Variants in RPS6KA2 observed in about 807,000 individuals in gnomAD.
RPS6KA2 encodes the protein ribosomal protein S6 kinase alpha-2.
Under a neutral mutation model 91.8 loss-of-function variants are expected in RPS6KA2, and 42 were observed. The observed-to-expected ratio is 0.46, with a 90% CI of 0.36 to 0.59. The LOEUF is 0.59. RPS6KA2 is among the 20% of genes least tolerant of loss of function. The pLI, the probability that RPS6KA2 is intolerant of heterozygous loss-of-function variation, is 0.00. For missense variants in RPS6KA2, 798 were observed against 978.5 expected (o/e 0.82, Z 2.46); for synonymous variants, 414 against 393.6 (o/e 1.05, Z -0.61).
chr6:166,613,813 G>T (rs527837425), intron 1 of RPS6KA2, among the ~76,000 whole-genome samples: 2 of 151,926 alleles, frequency 1.3e-5, no homozygotes, highest in Non-Finnish European at 2.9e-5. Flanking sequence ...GGCTTTTCAC[G>T]GCCTTCAGGA....
rs1460417642 is a variant in RPS6KA2 at position 166,445,930 on chromosome 6, T to A, written c.1332+2794A>T. On this transcript the variant is annotated intron_variant, in intron 14 of 20. Coordinates refer to ENST00000265678, the MANE Select transcript of RPS6KA2 (RefSeq NM_021135.6). This position sits in a 1 kb window ranked among gnomAD's most constrained non-coding sequence, Gnocchi z 4.5. ...CAGCTGCCACATGCTTAGTTCTGGG[T>A]CATGTTAGAAGTCACCGAACTTTGC... 1.3e-5 allele frequency among the ~76,000 whole-genome samples: 2 copies of A among 152,216 alleles called. No homozygotes were observed. The highest frequency in any genetic ancestry group is 2.4e-5 in the African/African-American group (1 of 41,462).
At chr6:166,600,620 T>C (rs1276102249) in intron 1 of RPS6KA2, among the ~76,000 whole-genome samples, 1 of 152,230 alleles carries the variant, frequency 6.6e-6, no homozygotes, top group African/African-American at 2.4e-5. Context: ...CCTACGAGAG[T>C]CTAAAAACTG....
At chr6:166,649,190 A>G (rs930969533) in intron 2 of RPS6KA2, among the ~76,000 whole-genome samples, 1 of 152,088 alleles carries the variant, frequency 6.6e-6, no homozygotes, top group African/African-American at 2.4e-5. Flanking sequence ...TAGTATTTCC[A>G]CATCTGCCCC....
At chr6:166,507,888 C>A (rs561564056) in intron 5 of RPS6KA2, among the ~76,000 whole-genome samples, 1 of 149,014 alleles carries the variant, frequency 6.7e-6, no homozygotes, top group Non-Finnish European at 1.5e-5. Context: ...GCACACCCCC[C>A]CACACACGCA....
intron 2 of RPS6KA2, among the ~76,000 whole-genome samples, chr6:166,827,044 T>G (rs992581035): frequency 6.6e-6 from 1 of 152,092 alleles, no homozygotes; most frequent in African/African-American, 2.4e-5. Context: ...GAGACCTTGG[T>G]CAAAGAGCAC....
Position 166,498,634 on chromosome 6 carries a change from C to T in RPS6KA2, c.621G>A (p.Lys207=), listed in dbSNP as rs778102390. 1 of 1,613,522 alleles carries T rather than the reference C, an allele frequency of 6.2e-7. No homozygotes were observed. Among genetic ancestry groups the T allele is most frequent in the East Asian group, 2.2e-5 (1 of 44,858 alleles). Residue 207 remains lysine, a synonymous_variant, in exon 8 of 21, where the codon AAG becomes AAA. Transcript: ENST00000265678. The part of the protein sequence containing the change: ...HIKITDFGLS[K]EAIDHDKRAY... Reference sequence around the variant, plus strand: ...CTCTCTTGTCGTGGTCAATGGCCTCCTTACTCAGGCCGAAATCTACATGCA... The same window carrying T: ...CTCTCTTGTCGTGGTCAATGGCCTCTTTACTCAGGCCGAAATCTACATGCA...
At chr6:166,780,964 A>G (rs1562435305) in intron 2 of RPS6KA2, among the ~76,000 whole-genome samples, 2 of 152,222 alleles carry the variant, frequency 1.3e-5, no homozygotes, top group Admixed American at 6.5e-5. Context: ...CTACTCCGAT[A>G]TTCGGACACT....
chr6:166,462,914 C>T (rs990424276), intron 11 of RPS6KA2: 3 of 152,376 alleles, frequency 2.0e-5, no homozygotes, highest in African/African-American at 7.2e-5. Flanking sequence ...CACCCCGTAA[C>T]ATGGGTCCGT....
chr6:166,522,582 G>A (rs1334658253), intron 3 of RPS6KA2, among the ~76,000 whole-genome samples: 1 of 152,248 alleles, frequency 6.6e-6, no homozygotes, highest in Admixed American at 6.5e-5. Flanking sequence ...AGTGCGGGCT[G>A]TGCTAGCTCG....
intron 2 of RPS6KA2, among the ~76,000 whole-genome samples, chr6:166,819,563 T>C (rs1779852389): frequency 6.6e-6 from 1 of 152,218 alleles, no homozygotes; most frequent in Non-Finnish European, 1.5e-5. Context: ...ACAGTTCAAA[T>C]GTATGCTGTT....
chr6:166,835,157 G>A (rs750093375), intron 2 of RPS6KA2, among the ~76,000 whole-genome samples: 1 of 152,152 alleles, frequency 6.6e-6, no homozygotes, highest in Non-Finnish European at 1.5e-5. Context: ...CATTGACTAT[G>A]TCTACTTTTA....
intron 1 of RPS6KA2, among the ~76,000 whole-genome samples, chr6:166,574,159 A>G (rs1303725505): frequency 1.3e-5 from 2 of 152,148 alleles, no homozygotes; most frequent in East Asian, 3.8e-4. Context: ...AATTTTTTAA[A>G]TTCTTTAAAA....
At position 166,435,743 on chromosome 6, in the gene RPS6KA2, C is replaced by T. The variant is rs780910670; in HGVS notation, c.1333-3253G>A. Among the ~76,000 whole-genome samples the T allele has an allele frequency of 1.3e-5, 2 of 152,274 alleles. No individual in the cohort carries two copies. The highest frequency in any genetic ancestry group is 4.8e-5 in the African/African-American group (2 of 41,472). On this transcript the variant is annotated intron_variant, in intron 14 of 20. Coordinates refer to ENST00000265678, the MANE Select transcript of RPS6KA2 (RefSeq NM_021135.6). This position sits in a 1 kb window ranked among gnomAD's most constrained non-coding sequence, Gnocchi z 4.3. Reference sequence around the variant, plus strand: ...TCACGTTTGCTGTCTCAGGCGACAACACTGCTGTGGGTGTGGGTGGCTTGG... The same window carrying T: ...TCACGTTTGCTGTCTCAGGCGACAATACTGCTGTGGGTGTGGGTGGCTTGG...
At chr6:166,614,511 C>A (rs999113219) in intron 1 of RPS6KA2, among the ~76,000 whole-genome samples, 6 of 152,250 alleles carry the variant, frequency 3.9e-5, no homozygotes, top group African/African-American at 1.4e-4. Context: ...GCCCTGCCTG[C>A]GTCCTGTCTG....
rs1263102658 is a variant in RPS6KA2 at position 166,665,117 on chromosome 6, C to G, written c.124-126333G>C. On this transcript the variant is annotated intron_variant, in intron 2 of 21. Coordinates refer to the RPS6KA2 transcript ENST00000503859. This position sits in a 1 kb window ranked among gnomAD's most constrained non-coding sequence, Gnocchi z 4.5. ...ATTAGCCAGGCATGGTGGCGTGTAG[C>G]CTTCAGTCTCATAGCTGTCAGGGTG... Among the ~76,000 whole-genome samples the G allele has an allele frequency of 1.3e-5, 2 of 151,754 alleles. No homozygotes were observed. The highest frequency in any genetic ancestry group is 4.8e-5 in the African/African-American group (2 of 41,300).
intron 14 of RPS6KA2, among the ~76,000 whole-genome samples, chr6:166,441,809 G>A (rs1003642): frequency 0.9 from 137,846 of 152,326 alleles, 62,496 homozygotes; most frequent in Middle Eastern, 0.94. Flanking sequence ...ACTGAAAACA[G>A]AGGTCTACAT....
intron 1 of RPS6KA2, among the ~76,000 whole-genome samples, chr6:166,622,956 G>A (rs1327726373): frequency 2.0e-5 from 3 of 152,238 alleles, no homozygotes; most frequent in Non-Finnish European, 2.9e-5. Flanking sequence ...AATGCACACA[G>A]TATGTGCTAA....
intron 10 of RPS6KA2, among the ~76,000 whole-genome samples, chr6:166,488,378 C>T (rs1484105702): frequency 1.3e-5 from 2 of 152,162 alleles, no homozygotes; most frequent in African/African-American, 4.8e-5. Flanking sequence ...GCCCAGCCCA[C>T]GGAGTAATCC....
At chr6:166,537,169 T>C (rs770024223) in intron 2 of RPS6KA2, among the ~76,000 whole-genome samples, 1 of 152,276 alleles carries the variant, frequency 6.6e-6, no homozygotes, top group Non-Finnish European at 1.5e-5. Flanking sequence ...ATAAAGACGA[T>C]TCGGCTGATT....
Sources: gnomAD v4.1 joint callset for allele counts (sites outside exome capture counted in the v4.1 genomes callset) on GRCh38, gnomAD v4.1.1 for gene constraint, Gnocchi (gnomAD v3.1) non-coding constraint, MANE v1.5 for transcripts, NCBI Gene and HGNC (gene_info 2026-07-23, HGNC 2026-07-21) for gene names.